Variants in PCDHGA4 observed in about 807,000 individuals in gnomAD.
PCDHGA4 encodes protocadherin gamma subfamily A, 4.
Under a neutral mutation model 54.6 loss-of-function variants are expected in PCDHGA4, and 38 were observed. That is an observed-to-expected ratio of 0.70 (90% CI 0.54 to 0.91). The LOEUF is 0.91. PCDHGA4 is among the 40% of genes least tolerant of loss of function. The pLI is 0.00. For synonymous variants in PCDHGA4, 511 were observed against 512.9 expected (o/e 1.00, Z 0.05); for missense variants, 1,298 against 1,220.9 (o/e 1.06, Z -0.94).
At chr5:141,390,867 CGTGTGTGTGT>C (rs61319619) in intron 1 of PCDHGA4, 1 of 151,040 alleles carries the variant, frequency 6.6e-6, no homozygotes, top group African/African-American at 2.5e-5. Context: ...GCTGTGTGTG[CGTGTGTGTGT>C]GTGTGTGTGT....
chr5:141,417,751 C>T, intron 1 of PCDHGA4: 1 of 1,427,514 alleles, frequency 7.0e-7, no homozygotes, highest in Non-Finnish European at 9.2e-7. Flanking sequence ...AGATTGCCAG[C>T]TCCGAGACCC....
At chr5:141,496,048 G>A (rs1327057788) in intron 2 of PCDHGA4, among the ~76,000 whole-genome samples, 1 of 148,400 alleles carries the variant, frequency 6.7e-6, no homozygotes, top group Non-Finnish European at 1.5e-5. Context: ...TCATTTTTTT[G>A]TGCTTGTGGG....
At chr5:141,500,446 T>C (rs2099800320) in intron 2 of PCDHGA4, among the ~76,000 whole-genome samples, 1 of 152,002 alleles carries the variant, frequency 6.6e-6, no homozygotes, top group South Asian at 2.1e-4. Context: ...CCTGACCTCG[T>C]GATCCGCCCG....
At chr5:141,375,248 A>G (rs1487300196) in intron 1 of PCDHGA4, 2 of 1,613,948 alleles carry the variant, frequency 1.2e-6, no homozygotes, top group South Asian at 2.2e-5. Flanking sequence ...CATCCCGAGA[A>G]GTCTCCCATT....
intron 1 of PCDHGA4, chr5:141,389,923 C>G: frequency 6.2e-7 from 1 of 1,614,076 alleles, no homozygotes; most frequent in Non-Finnish European, 8.5e-7. Context: ...CCCGACCCCT[C>G]TGACCTCCAG....
chr5:141,496,081 C>A (rs976166091), intron 2 of PCDHGA4, among the ~76,000 whole-genome samples: 1 of 152,060 alleles, frequency 6.6e-6, no homozygotes, highest in Non-Finnish European at 1.5e-5. Flanking sequence ...CACAACCCCC[C>A]ACCCACCACC....
chr5:141,494,751 G>C (rs2099756509), intron 1 of PCDHGA4, 56 bp from the exon 2 acceptor site: 2 of 1,613,426 alleles, frequency 1.2e-6, no homozygotes, highest in African/African-American at 1.3e-5. Flanking sequence ...AGGGGCTCGG[G>C]TGACATTCTA....
chr5:141,435,792 A>G (rs2097780110), intron 1 of PCDHGA4, among the ~76,000 whole-genome samples: 1 of 152,074 alleles, frequency 6.6e-6, no homozygotes, highest in South Asian at 2.1e-4. Context: ...AGGGAAACAT[A>G]ACGTCCCAAT....
chr5:141,432,117 C>T lies in PCDHGA4; in HGVS notation c.2515-62690C>T, dbSNP rs761106133. The T allele has an allele frequency of 3.9e-5, 63 of 1,614,062 alleles. No individual in the cohort carries two copies. Among genetic ancestry groups the T allele is most frequent in the Non-Finnish European group, 4.2e-5 (50 of 1,180,048 alleles). On this transcript the variant is annotated intron_variant, in intron 1 of 3. Transcript: ENST00000571252. The surrounding 1 kb of genome is among the most constrained non-coding windows in gnomAD (Gnocchi z 6.0). ...ACCAACGACAACCCGCCGGTCTTCC[C>T]TCAGGCCTCCTATTCCGCTTATATC...
intron 1 of PCDHGA4, chr5:141,389,052 T>C (rs769661783): frequency 9.5e-5 from 153 of 1,613,794 alleles, no homozygotes; most frequent in Non-Finnish European, 8.5e-5. Flanking sequence ...TGATGTTCCA[T>C]TTAAAATATT....
At chr5:141,502,169 G>A (rs1366413076) in intron 2 of PCDHGA4, among the ~76,000 whole-genome samples, 1 of 152,110 alleles carries the variant, frequency 6.6e-6, no homozygotes, top group African/African-American at 2.4e-5. Flanking sequence ...ATTCAGTTGA[G>A]GAATTTAACA....
Position 141,356,693 on chromosome 5 carries a change from G to A in PCDHGA4, c.1586G>A (p.Gly529Asp). 6.2e-7 allele frequency: 1 copy of A among 1,613,962 alleles called. No individual in the cohort carries two copies. Among genetic ancestry groups the A allele is most frequent in the Middle Eastern group, 1.6e-4 (1 of 6,062 alleles). ...TYSLAEDTFQ[G>D]APLSSYVSIN... ...TCCCTGGCCGAAGACACCTTCCAGG[G>A]TGCACCTCTGTCCTCCTATGTCTCC... Residue 529 changes from glycine to aspartate, a missense_variant, in exon 1 of 4, where the codon GGT (glycine) becomes GAT (aspartate). Transcript: ENST00000571252.
At chr5:141,450,772 C>T (rs544188262) in intron 1 of PCDHGA4, among the ~76,000 whole-genome samples, 1 of 151,944 alleles carries the variant, frequency 6.6e-6, no homozygotes, top group African/African-American at 2.4e-5. Flanking sequence ...CAGGCATGAG[C>T]CACCGTGCCC....
At position 141,362,242 on chromosome 5, in the gene PCDHGA4, T is replaced by C. The variant is rs759010180; in HGVS notation, c.2514+4621T>C. 12 of 1,613,924 alleles carry C rather than the reference T, an allele frequency of 7.4e-6. No homozygotes were observed. The South Asian group carries it at 8.8e-5, about 12-fold the overall frequency. On this transcript the variant is annotated intron_variant, in intron 1 of 3. Transcript: ENST00000571252. ...GGCCTTGGCCTTGATCTCAGTGCTC[T>C]TCTTCCTCGCGGTGATTCTGGCAAT... is the stretch of plus-strand genomic sequence containing the variant.
At chr5:141,500,475 C>T (rs1193752670) in intron 2 of PCDHGA4, among the ~76,000 whole-genome samples, 1 of 152,024 alleles carries the variant, frequency 6.6e-6, no homozygotes, top group African/African-American at 2.4e-5. Flanking sequence ...TCCCAAAGTG[C>T]TGGGATTACA....
chr5:141,503,924 G>C (rs1282755998), intron 2 of PCDHGA4, among the ~76,000 whole-genome samples: 1 of 152,146 alleles, frequency 6.6e-6, no homozygotes, highest in Non-Finnish European at 1.5e-5. Flanking sequence ...CACACACACA[G>C]ACATTTTCAT....
intron 1 of PCDHGA4, among the ~76,000 whole-genome samples, chr5:141,460,961 A>ATATG (rs1463306338): frequency 3.5e-5 from 5 of 144,556 alleles, no homozygotes; most frequent in African/African-American, 1.3e-4. Flanking sequence ...GTATATATAT[A>ATATG]TGTGTGTGTG....
rs762662380 is a variant in PCDHGA4, at chr5:141,419,561, G to A, written c.2514+61940G>A. 9 of 1,611,728 alleles carry A rather than the reference G, an allele frequency of 5.6e-6. No individual in the cohort carries two copies. The Admixed American group carries it at 1.2e-4, about 21-fold the overall frequency. The stretch of plus-strand genomic sequence containing the variant: ...ACCGCGGGTGCTGTACCCTGCGCTG[G>A]GTCCCGACGGCTCCGCGCTCTTCGA... On this transcript the variant is annotated intron_variant, in intron 1 of 3. Coordinates refer to ENST00000571252, the MANE Select transcript of PCDHGA4 (RefSeq NM_018917.4).
In PCDHGA4 at chr5:141,355,126, CCA is replaced by C. The variant is rs1759722609; in HGVS notation, c.20_21del (p.Pro7ArgfsTer61). On this transcript the variant is annotated frameshift_variant, in exon 1 of 4. Transcript: ENST00000571252. LOFTEE classifies it high-confidence loss of function. The stretch of plus-strand genomic sequence containing the variant: ...GCTGTGAATGCACTTTATTTTGGAC[CCA>C]GAAGATCCTGGGGCTCCTCAGGCCT... MHFILDPEDPGAPQAST... is the reference protein window; with the variant it reads MHFILDXEDPGAPQAST... 6.6e-7 allele frequency: 1 copy of C among 1,516,434 alleles called. No individual in the cohort carries two copies. The highest frequency in any genetic ancestry group is 8.8e-7 in the Non-Finnish European group (1 of 1,135,534). 93.9% of individuals were successfully genotyped at this position (1,516,434 alleles called of 1,614,324 possible). A position where few individuals can be genotyped will look rare whatever the true frequency, so the allele number is the denominator to read the frequency against.
Sources: gnomAD v4.1 joint callset for allele counts (sites outside exome capture counted in the v4.1 genomes callset) on GRCh38, gnomAD v4.1.1 for gene constraint, Gnocchi (gnomAD v3.1) non-coding constraint, MANE v1.5 for transcripts, NCBI Gene and HGNC (gene_info 2026-07-23, HGNC 2026-07-21) for gene names.